The following NAP1L1 variants were observed in gnomAD, a reference collection of about 807,000 sequenced individuals.
NAP1L1 encodes nucleosome assembly protein 1 like 1, also known as nucleosome assembly protein 1-like 1.
Under a neutral mutation model 58.9 loss-of-function variants are expected in NAP1L1, and 9 were observed. The ratio of observed to expected loss-of-function variants is 0.15; its 90% CI spans 0.09 to 0.27. The LOEUF (loss-of-function observed/expected upper bound fraction) is 0.27, where lower values mean the gene tolerates loss of function less well. Among genes scored for constraint, NAP1L1 ranks in the 10% least tolerant of loss-of-function variants. NAP1L1 has a pLI of 1.00. For synonymous variants in NAP1L1, 130 were observed against 138.3 expected (o/e 0.94, Z 0.42); for missense variants, 302 against 458.8 (o/e 0.66, Z 3.12).
chr12:76,067,383 C>T lies in NAP1L1; in HGVS notation c.194G>A (p.Gly65Glu). The change falls in exon 4 of 15, where the codon GGA becomes GAA. Residue 65 changes from glycine (G) to glutamate (E), a missense_variant. By Grantham distance (98) the Gly-to-Glu change is moderately conservative. Coordinates refer to ENST00000618691, the MANE Select transcript of NAP1L1 (RefSeq NM_004537.7). ...GGAAAAGCTGTACCTTTCAATGTAT[C>T]CTGTTGGTGTTTCTACCAGACCATC... ...RLDGLVETPT[G>E]YIESLPRVVK... The T allele has an allele frequency of 6.2e-7, 1 of 1,607,292 alleles. No individual in the cohort carries two copies. The highest frequency in any genetic ancestry group is 8.5e-7 in the Non-Finnish European group (1 of 1,175,794).
rs1450253431 is a variant in NAP1L1, at chr12:76,064,397, C to A, written c.206+2974G>T. Among the ~76,000 whole-genome samples the A allele has an allele frequency of 2.0e-5, 3 of 151,880 alleles. No individual in the cohort carries two copies. The East Asian group carries it at 5.8e-4, about 29-fold the overall frequency. On this transcript the variant is annotated intron_variant, in intron 4 of 14. Coordinates refer to ENST00000618691, the MANE Select transcript of NAP1L1 (RefSeq NM_004537.7). ...AGCTGAACAATACAATAAGCTTGAGCTATTAATTTCAGCATACAGATCTTC... is the reference window on the plus strand; with the variant it reads ...AGCTGAACAATACAATAAGCTTGAGATATTAATTTCAGCATACAGATCTTC...
chr12:76,051,470 A>G (rs902890609), intron 11 of NAP1L1, among the ~76,000 whole-genome samples: 4 of 152,228 alleles, frequency 2.6e-5, no homozygotes, highest in Non-Finnish European at 4.4e-5. Context: ...ACAGCTGTAC[A>G]GTTTTAAGTC....
intron 2 of NAP1L1, among the ~76,000 whole-genome samples, chr12:76,073,629 G>C (rs201122182): frequency 6.6e-6 from 1 of 152,136 alleles, no homozygotes; most frequent in East Asian, 1.9e-4. Flanking sequence ...AGCTAACTTT[G>C]TGATCACTAT....
At chr12:76,062,563 G>A (rs542237550) in intron 4 of NAP1L1, among the ~76,000 whole-genome samples, 1 of 152,228 alleles carries the variant, frequency 6.6e-6, no homozygotes, top group Non-Finnish European at 1.5e-5. Context: ...CATGCAACAA[G>A]ACCAAGAAAT....
rs1022954137 is a variant in NAP1L1, at chr12:76,043,757, A to C, written c.*4672T>G. 3 of 152,172 alleles carry C rather than the reference A, an allele frequency of 2.0e-5. No homozygotes were observed. The highest frequency in any genetic ancestry group is 7.2e-5 in the African/African-American group (3 of 41,432). The allele number at this position is 152,172 out of a possible 1,614,324, so 9.4% of individuals were successfully genotyped here. A position where few individuals can be genotyped will look rare whatever the true frequency, so the allele number is the denominator to read the frequency against. The stretch of plus-strand genomic sequence containing the variant: ...TCAGAGGTTCTTCCTCTCACTTCAC[A>C]AATTCCTACAGATTCTCAAAATCTC... On this transcript the variant is annotated 3_prime_UTR_variant, in exon 15 of 15. Coordinates refer to ENST00000618691, the MANE Select transcript of NAP1L1 (RefSeq NM_004537.7).
At chr12:76,071,210 A>G (rs1475162281) in intron 2 of NAP1L1, among the ~76,000 whole-genome samples, 1 of 152,176 alleles carries the variant, frequency 6.6e-6, no homozygotes, top group Non-Finnish European at 1.5e-5. Context: ...AATGCTGAAA[A>G]TGTTTACCAC....
rs1948524207 is a variant in NAP1L1 at position 76,038,666 on chromosome 12, G to C, written c.*9763C>G. 1 of 152,200 alleles carries C rather than the reference G, an allele frequency of 6.6e-6. No homozygotes were observed. The highest frequency in any genetic ancestry group is 1.5e-5 in the Non-Finnish European group (1 of 68,030). The allele number at this position is 152,200 out of a possible 1,614,324, so 9.4% of individuals were successfully genotyped here. On this transcript the variant is annotated 3_prime_UTR_variant, in exon 15 of 15. Coordinates refer to ENST00000618691, the MANE Select transcript of NAP1L1 (RefSeq NM_004537.7). ...AGAGTAAAAGGGATAAAAGAATTCT[G>C]TGGGGTAGCCAGACTCAGAAAGGTG...
At chr12:76,072,243 G>C (rs1251928305) in intron 2 of NAP1L1, among the ~76,000 whole-genome samples, 1 of 139,138 alleles carries the variant, frequency 7.2e-6, no homozygotes, top group Non-Finnish European at 1.6e-5. Context: ...TATAAAGATG[G>C]AAGAAACATC....
chr12:76,062,394 G>A (rs1355036994), intron 4 of NAP1L1, among the ~76,000 whole-genome samples: 7 of 152,124 alleles, frequency 4.6e-5, no homozygotes, highest in Non-Finnish European at 8.8e-5. Context: ...CATTATTAGG[G>A]TAACTGGTAT....
chr12:76,057,981 C>G lies in NAP1L1; in HGVS notation c.429+1817G>C, dbSNP rs12307355. The G allele has an allele frequency of 5.1e-4, 464 of 902,916 alleles. 3 individuals carry two copies. The African/African-American group carries it at 6.8e-3, about 13-fold the overall frequency. 55.9% of individuals were successfully genotyped at this position (902,916 alleles called of 1,614,324 possible). On this transcript the variant is annotated intron_variant, in intron 6 of 14. Coordinates refer to ENST00000618691, the MANE Select transcript of NAP1L1 (RefSeq NM_004537.7). ...TTAAATCACACAAAGATTTTTTGCT[C>G]AAAAATTCTCCTGTGGTGCCTCAGT...
At position 76,048,244 on chromosome 12, in the gene NAP1L1, T is replaced by C; in HGVS notation, c.*185A>G. ...ACAGAATTTGTGCATTCAACATAGCTGGCAGAAAAACTAGTTAAAATGCTA... is the reference window on the plus strand; with the variant it reads ...ACAGAATTTGTGCATTCAACATAGCCGGCAGAAAAACTAGTTAAAATGCTA... On this transcript the variant is annotated 3_prime_UTR_variant, in exon 15 of 15. Coordinates refer to ENST00000618691, the MANE Select transcript of NAP1L1 (RefSeq NM_004537.7). 2 of 563,016 alleles carry C rather than the reference T, an allele frequency of 3.6e-6. No homozygotes were observed. The highest frequency in any genetic ancestry group is 6.2e-6 in the Non-Finnish European group (2 of 322,898). 34.9% of individuals were successfully genotyped at this position (563,016 alleles called of 1,614,324 possible). A position where few individuals can be genotyped will look rare whatever the true frequency, so the allele number is the denominator to read the frequency against.
At chr12:76,059,298 A>C (rs967930188) in intron 6 of NAP1L1, among the ~76,000 whole-genome samples, 1 of 152,248 alleles carries the variant, frequency 6.6e-6, no homozygotes, top group Non-Finnish European at 1.5e-5. Context: ...TACATTTTAG[A>C]CATTTAATCA....
chr12:76,062,622 A>C (rs1949468957), intron 4 of NAP1L1, among the ~76,000 whole-genome samples: 1 of 152,248 alleles, frequency 6.6e-6, no homozygotes, highest in Non-Finnish European at 1.5e-5. Context: ...TAACTAAAAT[A>C]GGCAACAAAT....
At position 76,040,930 on chromosome 12, in the gene NAP1L1, T is replaced by C. The variant is rs1325640983; in HGVS notation, c.*7499A>G. 6.6e-6 allele frequency: 1 copy of C among 152,230 alleles called. No individual in the cohort carries two copies. The highest frequency in any genetic ancestry group is 1.5e-5 in the Non-Finnish European group (1 of 68,038). 9.4% of individuals were successfully genotyped at this position (152,230 alleles called of 1,614,324 possible). ...TTTACAGTATATAATACACATAACA[T>C]ACAAAGTGTGTGTTAAATGACTTAT... On this transcript the variant is annotated 3_prime_UTR_variant, in exon 15 of 15. Coordinates refer to ENST00000618691, the MANE Select transcript of NAP1L1 (RefSeq NM_004537.7).
chr12:76,065,355 T>TTTA (rs1949613207), intron 4 of NAP1L1, among the ~76,000 whole-genome samples: 1 of 152,020 alleles, frequency 6.6e-6, no homozygotes, highest in Non-Finnish European at 1.5e-5. Context: ...AATACTAATG[T>TTTA]TTAACACAGT....
At chr12:76,061,515 C>A (rs771588720) in intron 4 of NAP1L1, among the ~76,000 whole-genome samples, 1 of 152,182 alleles carries the variant, frequency 6.6e-6, no homozygotes, top group Non-Finnish European at 1.5e-5. Context: ...TGTATCAGAT[C>A]TGTCACTGAT....
At chr12:76,068,459 A>G (rs1949785006) in intron 3 of NAP1L1, 1 of 152,638 alleles carries the variant, frequency 6.6e-6, no homozygotes, top group Non-Finnish European at 1.5e-5. Context: ...CCTTTTAAAA[A>G]TATCTGCTAA....
rs1172759577 is a variant in NAP1L1, at chr12:76,037,987, AG to A, written c.*10441del. The A allele has an allele frequency of 2.6e-5, 4 of 152,254 alleles. No homozygotes were observed. The highest frequency in any genetic ancestry group is 9.6e-5 in the African/African-American group (4 of 41,468). The allele number at this position is 152,254 out of a possible 1,614,324, so 9.4% of individuals were successfully genotyped here. ...TCTTATTGAGTATTAACAAGTAACCAGGAAGTCTGATTATTTGTAAACTTGT... is the reference window on the plus strand; with the variant it reads ...TCTTATTGAGTATTAACAAGTAACCAGAAGTCTGATTATTTGTAAACTTGT... On this transcript the variant is annotated 3_prime_UTR_variant, in exon 15 of 15. Coordinates refer to ENST00000618691, the MANE Select transcript of NAP1L1 (RefSeq NM_004537.7).
rs1221006546 is a variant in NAP1L1 at position 76,038,039 on chromosome 12, C to CA, written c.*10389dup. ...TATGGTAATATTAGCTTTGAAGTGA[C>CA]AAACGAAAATATGGAACTGGATGAA... On this transcript the variant is annotated 3_prime_UTR_variant, in exon 15 of 15. Coordinates refer to ENST00000618691, the MANE Select transcript of NAP1L1 (RefSeq NM_004537.7). 1 of 152,110 alleles carries CA rather than the reference C, an allele frequency of 6.6e-6. No individual in the cohort carries two copies. The highest frequency in any genetic ancestry group is 1.5e-5 in the Non-Finnish European group (1 of 68,026). The allele number at this position is 152,110 out of a possible 1,614,324, so 9.4% of individuals were successfully genotyped here. A position where few individuals can be genotyped will look rare whatever the true frequency, so the allele number is the denominator to read the frequency against.
Sources: allele counts gnomAD v4.1 joint callset (sites outside exome capture counted in the v4.1 genomes callset), GRCh38; gene constraint gnomAD v4.1.1; transcripts MANE v1.5; gene names NCBI Gene and HGNC (gene_info 2026-07-23, HGNC 2026-07-21).